MALRD1: variants seen among roughly 807,000 people sequenced by gnomAD.
The protein encoded by MALRD1 is MAM and LDL receptor class A domain containing 1.
In MALRD1, 247 loss-of-function variants were observed where a neutral mutation model predicts 242.1. The observed-to-expected ratio is 1.02, with a 90% CI of 0.92 to 1.13. MALRD1 has a LOEUF of 1.13. Among genes scored for constraint, MALRD1 ranks in the 50% most tolerant of loss-of-function variants. MALRD1 has a pLI of 0.00. For missense variants in MALRD1, 2,989 were observed against 2,533.1 expected, an observed-to-expected ratio of 1.18 and a Z score of -3.86; for synonymous variants, 995 against 866.6, an observed-to-expected ratio of 1.15 and a Z score of -2.60.
chr10:19,348,016 A>G lies in MALRD1; in HGVS notation c.4147A>G (p.Lys1383Glu), dbSNP rs1794407034. Residue 1383 changes from lysine to glutamate, a missense_variant and splice_region_variant, in exon 25 of 40, where the codon AAG becomes GAG. By Grantham distance (56) the Lys-to-Glu change is moderately conservative (BLOSUM62 1). Transcript: ENST00000454679. The part of the protein sequence containing the change: ...PVISKRSKNC[K>E]IIFHYHMYGN... The stretch of plus-strand genomic sequence containing the variant: ...TATAAGTAAGAGAAGCAAAAACTGC[A>G]AGGTATGGGGAAAATCGAACCAACC... The G allele has an allele frequency of 1.9e-6, 3 of 1,550,040 alleles. No homozygotes were observed. Among genetic ancestry groups the G allele is most frequent in the Non-Finnish European group, 1.7e-6 (2 of 1,146,648 alleles).
intron 3 of MALRD1, 38 bp from the exon 4 acceptor site, chr10:19,087,982 CTTCT>C: frequency 8.1e-7 from 1 of 1,232,678 alleles, no homozygotes; most frequent in South Asian, 4.1e-5. Flanking sequence ...CATTTGGGGA[CTTCT>C]TTATCATAAT....
At chr10:19,179,891 G>C (rs764698084) in intron 14 of MALRD1, among the ~76,000 whole-genome samples, 9 of 151,944 alleles carry the variant, frequency 5.9e-5, no homozygotes, top group Admixed American at 2.0e-4. Flanking sequence ...CTTTCAGTTC[G>C]TCCTTTTCCA....
At chr10:19,385,673 A>G (rs980632874) in intron 26 of MALRD1, among the ~76,000 whole-genome samples, 2 of 151,980 alleles carry the variant, frequency 1.3e-5, no homozygotes, top group Admixed American at 1.3e-4. Flanking sequence ...TTATCTTTTC[A>G]AAAAATGAAC....
At chr10:19,722,770 G>C (rs896958077) in intron 38 of MALRD1, among the ~76,000 whole-genome samples, 1 of 151,924 alleles carries the variant, frequency 6.6e-6, no homozygotes, top group Non-Finnish European at 1.5e-5. Context: ...AAGGAGGAAA[G>C]CATAAGGAAA....
At chr10:19,379,765 G>A (rs964865619) in intron 26 of MALRD1, among the ~76,000 whole-genome samples, 4 of 152,024 alleles carry the variant, frequency 2.6e-5, no homozygotes, top group Admixed American at 1.3e-4. Flanking sequence ...CTTGTTTGGT[G>A]TAGTGTTATG....
Position 19,257,664 on chromosome 10 carries a change from T to G in MALRD1, c.2992-20T>G. On this transcript the variant is annotated intron_variant, in intron 18 of 39. Transcript: ENST00000454679. ...ACATAAACACATTTCTTATTTTTAT[T>G]TTTTATTTTATTTTTTTAGATATTG... 2.0e-6 allele frequency: 3 copies of G among 1,486,698 alleles called. No individual in the cohort carries two copies. The highest frequency in any genetic ancestry group is 1.8e-6 in the Non-Finnish European group (2 of 1,098,460). 92.1% of individuals were successfully genotyped at this position (1,486,698 alleles called of 1,614,324 possible).
intron 1 of MALRD1, among the ~76,000 whole-genome samples, chr10:19,064,631 C>G (rs1461769061): frequency 1.3e-5 from 2 of 151,392 alleles, no homozygotes; most frequent in Non-Finnish European, 2.9e-5. Context: ...TTTAGTTGGG[C>G]GTGGCAGCAC....
intron 31 of MALRD1, among the ~76,000 whole-genome samples, chr10:19,520,288 G>T (rs1482753321): frequency 1.3e-5 from 2 of 151,698 alleles, no homozygotes; most frequent in Non-Finnish European, 2.9e-5. Flanking sequence ...ACATAAAAAT[G>T]GTAATCGATG....
At chr10:19,475,142 G>T (rs1046225628) in intron 29 of MALRD1, among the ~76,000 whole-genome samples, 1 of 152,186 alleles carries the variant, frequency 6.6e-6, no homozygotes, top group African/African-American at 2.4e-5. Context: ...CTGGCCGGGC[G>T]CAGTGGCTCA....
At chr10:19,223,408 G>A (rs1837646104) in intron 18 of MALRD1, among the ~76,000 whole-genome samples, 2 of 144,750 alleles carry the variant, frequency 1.4e-5, no homozygotes, top group South Asian at 4.3e-4. Flanking sequence ...GGAATTCAAG[G>A]AGTCTTCTAA....
intron 22 of MALRD1, among the ~76,000 whole-genome samples, chr10:19,325,591 T>C (rs1843092426): frequency 6.6e-6 from 1 of 152,096 alleles, no homozygotes; most frequent in Non-Finnish European, 1.5e-5. Context: ...GCCAACTCAA[T>C]TTTGGAGCAT....
chr10:19,605,320 A>G (rs1838559108), intron 34 of MALRD1, among the ~76,000 whole-genome samples: 1 of 151,072 alleles, frequency 6.6e-6, no homozygotes, highest in South Asian at 2.1e-4. Flanking sequence ...AATCCTGGCT[A>G]TTTTTATTTT....
At chr10:19,337,370 T>C (rs977123468) in intron 24 of MALRD1, among the ~76,000 whole-genome samples, 1 of 152,104 alleles carries the variant, frequency 6.6e-6, no homozygotes, top group Non-Finnish European at 1.5e-5. Context: ...GGTGAGAAGG[T>C]ATTCAAGCAA....
intron 32 of MALRD1, among the ~76,000 whole-genome samples, chr10:19,535,518 C>A (rs1834633564): frequency 6.8e-6 from 1 of 148,070 alleles, no homozygotes; most frequent in Non-Finnish European, 1.5e-5. Flanking sequence ...CACATATATA[C>A]ATGTGTATAT....
At chr10:19,438,816 A>AC (rs1364973821) in intron 28 of MALRD1, among the ~76,000 whole-genome samples, 2 of 74,514 alleles carry the variant, frequency 2.7e-5, no homozygotes, top group African/African-American at 9.3e-5. Context: ...GCTCAGACAG[A>AC]CAAGCCTTCT....
chr10:19,393,987 G>A (rs527668293), intron 28 of MALRD1, among the ~76,000 whole-genome samples: 4 of 152,246 alleles, frequency 2.6e-5, no homozygotes, highest in South Asian at 2.1e-4. Context: ...TCTTCCATCT[G>A]TAATAAACTG....
At chr10:19,253,872 G>A (rs1321714021) in intron 18 of MALRD1, among the ~76,000 whole-genome samples, 4 of 151,856 alleles carry the variant, frequency 2.6e-5, no homozygotes, top group Non-Finnish European at 2.9e-5. Context: ...ACCTTGAATT[G>A]TAATACTCAC....
chr10:19,189,199 G>T (rs1199376758), intron 14 of MALRD1, among the ~76,000 whole-genome samples: 3 of 151,994 alleles, frequency 2.0e-5, no homozygotes, highest in Admixed American at 6.6e-5. Context: ...CACAAAATTG[G>T]ATAACTTAAG....
chr10:19,103,593 G>T (rs1430468034), intron 4 of MALRD1, among the ~76,000 whole-genome samples: 2 of 151,040 alleles, frequency 1.3e-5, no homozygotes, highest in East Asian at 3.9e-4. Flanking sequence ...AACCAAAGGG[G>T]AAGATGGGAC....
Sources: gnomAD v4.1 joint callset for allele counts (sites outside exome capture counted in the v4.1 genomes callset) on GRCh38, gnomAD v4.1.1 for gene constraint, MANE v1.5 for transcripts, NCBI Gene and HGNC (gene_info 2026-07-23, HGNC 2026-07-21) for gene names.